Variants in FAM184A observed in about 807,000 individuals in gnomAD.
FAM184A encodes the protein family with sequence similarity 184 member A.
FAM184A carries 99 observed loss-of-function variants against 143.8 expected under a neutral mutation model. The ratio of observed to expected loss-of-function variants is 0.69; its 90% CI spans 0.58 to 0.81. The LOEUF (loss-of-function observed/expected upper bound fraction) is 0.81. Ranked by LOEUF, FAM184A falls within the 40% of genes least tolerant of loss-of-function variation. The pLI, the probability that FAM184A is intolerant of heterozygous loss-of-function variation, is 0.00. For missense variants in FAM184A, 1,217 were observed against 1,310.5 expected (o/e 0.93, Z 1.10); for synonymous variants, 427 against 446.4 (o/e 0.96, Z 0.55).
At chr6:119,147,064 GTT>G (rs1202971153) in intron 1 of FAM184A, among the ~76,000 whole-genome samples, 1 of 116,378 alleles carries the variant, frequency 8.6e-6, no homozygotes. Context: ...GGCAGGCTCT[GTT>G]TTTTTTTTTT....
intron 1 of FAM184A, among the ~76,000 whole-genome samples, chr6:119,094,107 A>T (rs187894335): frequency 6.8e-6 from 1 of 146,242 alleles, no homozygotes; most frequent in Non-Finnish European, 1.5e-5. Context: ...TGTTTCAGAG[A>T]TGGGATCTCA....
intron 12 of FAM184A, 49 bp downstream of exon 12, chr6:118,975,868 A>G: frequency 3.2e-6 from 5 of 1,551,776 alleles, no homozygotes; most frequent in South Asian, 2.3e-5. Flanking sequence ...TGAACATTCA[A>G]TCTATTCAAA....
chr6:119,099,011 G>A (rs1236852508), intron 1 of FAM184A, among the ~76,000 whole-genome samples: 1 of 152,194 alleles, frequency 6.6e-6, no homozygotes, highest in African/African-American at 2.4e-5. Context: ...TTGGGAGGCC[G>A]AGGCAGGAGA....
chr6:119,054,326 A>T (rs1000009042), intron 1 of FAM184A, among the ~76,000 whole-genome samples: 4 of 152,232 alleles, frequency 2.6e-5, no homozygotes, highest in African/African-American at 9.6e-5. Flanking sequence ...TAAACTAGGT[A>T]GCTTATAAAC....
chr6:119,095,746 A>G (rs1788490613), intron 1 of FAM184A, among the ~76,000 whole-genome samples: 1 of 152,018 alleles, frequency 6.6e-6, no homozygotes, highest in Non-Finnish European at 1.5e-5. Context: ...TTTTATAGAG[A>G]CAGGGTCTTG....
rs149034272 is a variant in FAM184A at position 118,995,681 on chromosome 6, T to C, written c.2088+7218A>G. On this transcript the variant is annotated intron_variant, in intron 9 of 17. Coordinates refer to ENST00000338891, the MANE Select transcript of FAM184A (RefSeq NM_024581.6). ...AAATAAAATGAAGGTAGAAACAAGC[T>C]AATGTGTTAGGTTATGCTTAATACT... 1.8e-3 allele frequency among the ~76,000 whole-genome samples: 269 copies of C among 152,296 alleles called. 1 individual carries two copies. The highest frequency in any genetic ancestry group is 6.0e-3 in the African/African-American group (249 of 41,566).
At chr6:119,133,444 G>A (rs919505433) in intron 1 of FAM184A, among the ~76,000 whole-genome samples, 1 of 152,190 alleles carries the variant, frequency 6.6e-6, no homozygotes, top group Non-Finnish European at 1.5e-5. Context: ...AAGGAAGGAA[G>A]TAGGATTGGG....
chr6:118,999,765 A>G (rs947923565), intron 9 of FAM184A, among the ~76,000 whole-genome samples: 12 of 152,234 alleles, frequency 7.9e-5, no homozygotes, highest in Non-Finnish European at 1.6e-4. Context: ...TATAAATGCA[A>G]CTACCACAGG....
chr6:119,015,063 CAAAAAA>C (rs59729668), intron 5 of FAM184A, among the ~76,000 whole-genome samples: 1 of 124,870 alleles, frequency 8.0e-6, no homozygotes, highest in Non-Finnish European at 1.7e-5. Flanking sequence ...GACTCTGTCT[CAAAAAA>C]AAAAAAGAAA....
intron 9 of FAM184A, among the ~76,000 whole-genome samples, chr6:118,983,803 CT>C (rs1290430738): frequency 6.6e-6 from 1 of 151,798 alleles, no homozygotes; most frequent in African/African-American, 2.4e-5. Context: ...GTTTTACAGT[CT>C]TTTTGAAAAT....
intron 4 of FAM184A, among the ~76,000 whole-genome samples, chr6:119,018,778 AGGAT>A (rs1461585760): frequency 6.6e-6 from 1 of 152,114 alleles, no homozygotes; most frequent in East Asian, 1.9e-4. Flanking sequence ...TGAGCAGGGG[AGGAT>A]GGAATAAAAA....
At chr6:119,035,346 A>G (rs1786068790) in intron 1 of FAM184A, among the ~76,000 whole-genome samples, 1 of 152,196 alleles carries the variant, frequency 6.6e-6, no homozygotes, top group Non-Finnish European at 1.5e-5. Flanking sequence ...GACAGCTGAC[A>G]AGAATTAACA....
intron 1 of FAM184A, among the ~76,000 whole-genome samples, chr6:119,063,299 C>G (rs1326220442): frequency 6.6e-6 from 1 of 152,056 alleles, no homozygotes; most frequent in Non-Finnish European, 1.5e-5. Flanking sequence ...CTGTGTTTTT[C>G]TAGTTGCTGT....
intron 1 of FAM184A, among the ~76,000 whole-genome samples, chr6:119,028,539 A>G (rs1785751759): frequency 6.6e-6 from 1 of 152,188 alleles, no homozygotes; most frequent in Admixed American, 6.5e-5. Flanking sequence ...AGCCTTCATA[A>G]AAACACAAAA....
intron 1 of FAM184A, among the ~76,000 whole-genome samples, chr6:119,103,928 G>GAA (rs199961401): frequency 8.7e-4 from 63 of 72,664 alleles, no homozygotes; most frequent in Non-Finnish European, 1.0e-3. Flanking sequence ...TCCGTGTAGA[G>GAA]AAAAAAAAAA....
At chr6:119,145,016 A>G (rs1428983073) in intron 1 of FAM184A, among the ~76,000 whole-genome samples, 2 of 152,208 alleles carry the variant, frequency 1.3e-5, no homozygotes, top group Non-Finnish European at 2.9e-5. Flanking sequence ...CTGGCTCTCC[A>G]GGTCCACTCT....
chr6:119,127,999 C>G (rs1006331039), intron 1 of FAM184A, among the ~76,000 whole-genome samples: 1 of 152,182 alleles, frequency 6.6e-6, no homozygotes, highest in Non-Finnish European at 1.5e-5. Flanking sequence ...CCCAAAGAAA[C>G]CTGAAACACT....
chr6:119,048,413 C>A (rs1029690322), intron 1 of FAM184A, among the ~76,000 whole-genome samples: 1 of 152,058 alleles, frequency 6.6e-6, no homozygotes, highest in African/African-American at 2.4e-5. Context: ...TAAAGGGCAT[C>A]CAAATAGAAA....
chr6:119,039,105 C>A (rs1446107473), intron 1 of FAM184A, among the ~76,000 whole-genome samples: 1 of 152,148 alleles, frequency 6.6e-6, no homozygotes, highest in African/African-American at 2.4e-5. Flanking sequence ...TAAGATGTCA[C>A]GACACACATA....
Sources: gnomAD v4.1 joint callset for allele counts (sites outside exome capture counted in the v4.1 genomes callset) on GRCh38, gnomAD v4.1.1 for gene constraint, MANE v1.5 for transcripts, NCBI Gene and HGNC (gene_info 2026-07-23, HGNC 2026-07-21) for gene names.